The following TAFA2 variants were observed in gnomAD, a reference collection of about 807,000 sequenced individuals.
The protein encoded by TAFA2 is chemokine-like protein TAFA-2.
In TAFA2, 7 loss-of-function variants were observed where a neutral mutation model predicts 18.8. The ratio of observed to expected loss-of-function variants is 0.37; its 90% CI spans 0.21 to 0.70. TAFA2 has a LOEUF of 0.70. Among genes scored for constraint, TAFA2 ranks in the 30% least tolerant of loss-of-function variants. TAFA2 has a pLI of 0.53. For synonymous variants in TAFA2, 60 were observed against 54.2 expected (o/e 1.11, Z -0.47); for missense variants, 122 against 158.1 (o/e 0.77, Z 1.23).
intron 1 of TAFA2, among the ~76,000 whole-genome samples, chr12:62,206,133 G>C (rs963082537): frequency 6.6e-6 from 1 of 152,042 alleles, no homozygotes; most frequent in Non-Finnish European, 1.5e-5. Flanking sequence ...TTCTCAATGG[G>C]AGCCTCCAAC....
intron 1 of TAFA2, chr12:62,255,048 T>G (rs1479899999): frequency 6.6e-6 from 1 of 152,212 alleles, no homozygotes; most frequent in African/African-American, 2.4e-5. Flanking sequence ...GAGCATAAAA[T>G]AATTATTTTT....
At chr12:62,017,719 T>C (rs1880985548) in intron 1 of TAFA2, among the ~76,000 whole-genome samples, 1 of 152,156 alleles carries the variant, frequency 6.6e-6, no homozygotes, top group South Asian at 2.1e-4. Flanking sequence ...GTTCCTCTTG[T>C]TTTTCACATC....
chr12:62,088,442 C>T (rs961750520), intron 1 of TAFA2, among the ~76,000 whole-genome samples: 7 of 151,866 alleles, frequency 4.6e-5, no homozygotes, highest in East Asian at 1.9e-4. Context: ...AGGCTGTCCC[C>T]GGTCCTTCTG....
At chr12:61,780,120 T>TCA (rs142277449) in intron 2 of TAFA2, among the ~76,000 whole-genome samples, 3,741 of 149,220 alleles carry the variant, frequency 0.025, 149 homozygotes, top group African/African-American at 0.086. Flanking sequence ...TGATTCCAAG[T>TCA]CACAGGACAT....
chr12:61,733,473 T>A (rs1338281667), intron 4 of TAFA2, among the ~76,000 whole-genome samples: 2 of 151,812 alleles, frequency 1.3e-5, no homozygotes, highest in African/African-American at 2.4e-5. Context: ...AGGGATCCAG[T>A]TTCAGCTTTC....
chr12:61,895,798 C>G (rs781631829), intron 1 of TAFA2, among the ~76,000 whole-genome samples: 1 of 151,380 alleles, frequency 6.6e-6, no homozygotes, highest in Non-Finnish European at 1.5e-5. Context: ...ACTGGATGAA[C>G]GAGTGAATGA....
intron 1 of TAFA2, among the ~76,000 whole-genome samples, chr12:61,913,366 A>G (rs1876690280): frequency 6.6e-6 from 1 of 152,196 alleles, no homozygotes; most frequent in African/African-American, 2.4e-5. Flanking sequence ...ACATTTGTCA[A>G]AATATTTTAT....
chr12:61,978,320 G>T (rs1879508437), intron 1 of TAFA2, among the ~76,000 whole-genome samples: 1 of 151,788 alleles, frequency 6.6e-6, no homozygotes, highest in African/African-American at 2.4e-5. Flanking sequence ...AAATAAATTT[G>T]GTGAATTTGA....
chr12:62,038,533 A>G (rs1378653301), intron 1 of TAFA2, among the ~76,000 whole-genome samples: 1 of 152,208 alleles, frequency 6.6e-6, no homozygotes, highest in African/African-American at 2.4e-5. Flanking sequence ...GAGGATATGC[A>G]TAGGTTACAT....
intron 2 of TAFA2, among the ~76,000 whole-genome samples, chr12:61,797,807 G>A (rs1046857754): frequency 3.3e-5 from 5 of 152,216 alleles, no homozygotes; most frequent in Non-Finnish European, 7.3e-5. Flanking sequence ...GCACAAGCTA[G>A]ACGCTGGTTC....
intron 1 of TAFA2, among the ~76,000 whole-genome samples, chr12:62,026,034 G>A (rs1340959618): frequency 6.6e-6 from 1 of 152,060 alleles, no homozygotes; most frequent in Non-Finnish European, 1.5e-5. Flanking sequence ...CCCAATCAAT[G>A]AGGATCGTTA....
chr12:62,014,937 T>C (rs1285570976), intron 1 of TAFA2, among the ~76,000 whole-genome samples: 1 of 152,192 alleles, frequency 6.6e-6, no homozygotes, highest in Non-Finnish European at 1.5e-5. Flanking sequence ...CGTGGCAAAT[T>C]CTTCTATTAG....
intron 4 of TAFA2, among the ~76,000 whole-genome samples, chr12:61,735,264 G>T (rs973577856): frequency 6.6e-6 from 1 of 151,818 alleles, no homozygotes; most frequent in African/African-American, 2.4e-5. Context: ...TCCCATTATT[G>T]TCTTATTTTC....
At chr12:61,757,604 AG>A (rs1869335204) in intron 2 of TAFA2, among the ~76,000 whole-genome samples, 1 of 152,050 alleles carries the variant, frequency 6.6e-6, no homozygotes, top group Non-Finnish European at 1.5e-5. Flanking sequence ...ACCACGGAAA[AG>A]GTTTCACCAA....
intron 1 of TAFA2, among the ~76,000 whole-genome samples, chr12:61,973,013 A>G (rs1347605022): frequency 6.6e-6 from 1 of 151,696 alleles, no homozygotes; most frequent in Non-Finnish European, 1.5e-5. Context: ...AACACTTACT[A>G]TATTAGCATC....
intron 2 of TAFA2, among the ~76,000 whole-genome samples, chr12:61,760,234 T>G (rs1869475143): frequency 6.6e-6 from 1 of 151,140 alleles, no homozygotes; most frequent in Non-Finnish European, 1.5e-5. Context: ...GAGGTAACCT[T>G]TTAAAAATAG....
chr12:61,736,993 A>C (rs535202096), intron 4 of TAFA2, among the ~76,000 whole-genome samples: 2 of 152,128 alleles, frequency 1.3e-5, no homozygotes, highest in South Asian at 4.1e-4. Context: ...TAAAGATGAG[A>C]CATAGAGATA....
At chr12:62,005,051 G>A (rs1224019742) in intron 1 of TAFA2, among the ~76,000 whole-genome samples, 2 of 152,062 alleles carry the variant, frequency 1.3e-5, no homozygotes, top group African/African-American at 2.4e-5. Flanking sequence ...ATGGAGAGAT[G>A]TAGGTCAAAG....
chr12:61,862,759 T>C (rs1024061061), intron 2 of TAFA2, among the ~76,000 whole-genome samples: 6 of 152,182 alleles, frequency 3.9e-5, no homozygotes, highest in Non-Finnish European at 5.9e-5. Flanking sequence ...ATCCTTTCCC[T>C]GAATACTCCA....
Sources: allele counts gnomAD v4.1 joint callset (sites outside exome capture counted in the v4.1 genomes callset), GRCh38; gene constraint gnomAD v4.1.1; transcripts MANE v1.5; gene names NCBI Gene and HGNC (gene_info 2026-07-23, HGNC 2026-07-21).